Variants in SLC22A25 observed in about 807,000 individuals in gnomAD.
The protein encoded by SLC22A25 is solute carrier family 22 member 25.
Under a neutral mutation model 45.9 loss-of-function variants are expected in SLC22A25, and 44 were observed. The ratio of observed to expected loss-of-function variants is 0.96; its 90% confidence interval spans 0.75 to 1.23. The LOEUF (loss-of-function observed/expected upper bound fraction) is 1.23, where lower values mean the gene tolerates loss of function less well. SLC22A25 is among the 50% of genes most tolerant of loss of function. The probability of loss-of-function intolerance (pLI) is 0.00; values close to 1 mark genes in which losing one functional copy is unlikely to be tolerated. For synonymous variants in SLC22A25, 283 were observed against 238.6 expected, an observed-to-expected ratio of 1.19 and a Z score of -1.72; for missense variants, 800 against 666.4, an observed-to-expected ratio of 1.20 and a Z score of -2.21.
At position 63,163,770 on chromosome 11, in the gene SLC22A25, G is replaced by T; in HGVS notation, c.*54C>A. ...CTACATGGGAATAGCCCAGATCTAA[G>T]CCTTTTTGGGGGATGGTAGCCCTAA... On this transcript the variant is annotated 3_prime_UTR_variant, in exon 12 of 12. Coordinates refer to ENST00000306494, the MANE Select transcript of SLC22A25 (RefSeq NM_199352.6). 6.4e-7 allele frequency: 1 copy of T among 1,558,674 alleles called. No individual in the cohort carries two copies. Among genetic ancestry groups the T allele is most frequent in the Non-Finnish European group, 8.7e-7 (1 of 1,155,318 alleles).
At position 63,180,706 on chromosome 11, in the gene SLC22A25, G is replaced by A. The variant is rs144387617; in HGVS notation, c.1024C>T (p.Arg342Cys). The A allele has an allele frequency of 2.4e-4, 381 of 1,613,118 alleles. 1 individual carries two copies. In the African/African-American group the frequency reaches 3.2e-3, roughly 14 times the overall value. Reference protein sequence around the residue: ...QKKHSLCELLRIPNICKRICF... With the variant: ...QKKHSLCELLCIPNICKRICF... ...ATTCTTTTACATATGTTGGGTATGC[G>A]GAGCAATTCACAAAGAGAATGCTTT... The change falls in exon 9 of 12, where the codon CGC (arginine) becomes TGC (cysteine). Residue 342 changes from arginine to cysteine, a missense_variant. Coordinates refer to ENST00000306494, the MANE Select transcript of SLC22A25 (RefSeq NM_199352.6).
At chr11:63,199,906 G>A (rs571356325) in intron 7 of SLC22A25, among the ~76,000 whole-genome samples, 20 of 151,988 alleles carry the variant, frequency 1.3e-4, no homozygotes, top group Non-Finnish European at 2.4e-4. Flanking sequence ...GGATGTGCCT[G>A]CGTGCCAGAC....
chr11:63,195,236 G>C (rs1292922719), intron 7 of SLC22A25, among the ~76,000 whole-genome samples: 1 of 152,122 alleles, frequency 6.6e-6, no homozygotes, highest in African/African-American at 2.4e-5. Context: ...ACTAAACTCA[G>C]CTCTGCACCA....
Position 63,231,372 on chromosome 11 carries a change from G to A in SLC22A25, c.-444-1276C>T, listed in dbSNP as rs571613229. Among the ~76,000 whole-genome samples the A allele has an allele frequency of 2.4e-3, 360 of 152,280 alleles. 1 individual carries two copies. The highest frequency in any genetic ancestry group is 8.1e-3 in the African/African-American group (337 of 41,548). The stretch of plus-strand genomic sequence containing the variant: ...CTGGTGTGAGATGGTATCTCATTGT[G>A]GGTTTGATTTGCATTTCTCTGATGG... On this transcript the variant is annotated intron_variant, in intron 3 of 11. Coordinates refer to ENST00000306494, the MANE Select transcript of SLC22A25 (RefSeq NM_199352.6).
intron 3 of SLC22A25, among the ~76,000 whole-genome samples, chr11:63,232,340 G>T (rs1565127040): frequency 6.6e-6 from 1 of 152,014 alleles, no homozygotes; most frequent in Non-Finnish European, 1.5e-5. Context: ...CCTTGAAGAG[G>T]TCCTTCACAT....
At chr11:63,228,062 T>G (rs2089997087) in intron 5 of SLC22A25, among the ~76,000 whole-genome samples, 1 of 152,230 alleles carries the variant, frequency 6.6e-6, no homozygotes, top group African/African-American at 2.4e-5. Flanking sequence ...TTCAATGAAG[T>G]TAAAATCAGG....
chr11:63,192,307 C>T (rs1486896923), intron 7 of SLC22A25, among the ~76,000 whole-genome samples: 2 of 152,090 alleles, frequency 1.3e-5, no homozygotes, highest in Non-Finnish European at 2.9e-5. Context: ...TCATTACCAC[C>T]AGACCTGTCT....
At chr11:63,190,349 C>G (rs2088757549) in intron 7 of SLC22A25, among the ~76,000 whole-genome samples, 1 of 152,142 alleles carries the variant, frequency 6.6e-6, no homozygotes, top group African/African-American at 2.4e-5. Flanking sequence ...GCTACTGAGG[C>G]TTGTGCATTC....
In SLC22A25 at chr11:63,164,704, G is replaced by A. The variant is rs1489764872; in HGVS notation, c.1286-70C>T. Reference sequence around the variant, plus strand: ...GGAATCAGCATCTCCCAAGGTAGAAGTGAAAAGGACTGCTTTGGAGGTGTT... The same window carrying A: ...GGAATCAGCATCTCCCAAGGTAGAAATGAAAAGGACTGCTTTGGAGGTGTT... On this transcript the variant is annotated intron_variant, in intron 10 of 11. Transcript: ENST00000306494. 17 of 1,279,084 alleles carry A rather than the reference G, an allele frequency of 1.3e-5. No individual in the cohort carries two copies. The East Asian group carries it at 3.3e-4, about 25-fold the overall frequency. 79.2% of individuals were successfully genotyped at this position (1,279,084 alleles called of 1,614,324 possible).
At chr11:63,238,252 T>C (rs1399544127) in intron 2 of SLC22A25, among the ~76,000 whole-genome samples, 1 of 152,204 alleles carries the variant, frequency 6.6e-6, no homozygotes, top group Non-Finnish European at 1.5e-5. Flanking sequence ...TTTTGCTCCA[T>C]ACTAAGTGTG....
chr11:63,183,936 C>T, intron 7 of SLC22A25, 119 bp from the exon 8 acceptor site: 2 of 1,405,000 alleles, frequency 1.4e-6, no homozygotes, highest in African/African-American at 1.4e-5. Context: ...TTGGTTATAC[C>T]AGGAAATAAA....
chr11:63,164,506 G>A lies in SLC22A25; in HGVS notation c.1394+20C>T, dbSNP rs1178875262. ...ACAGGTCCATTTTGAGAATGACAGA[G>A]CACACATAAACTTTTGTACCTGATT... On this transcript the variant is annotated intron_variant, in intron 11 of 11. Coordinates refer to ENST00000306494, the MANE Select transcript of SLC22A25 (RefSeq NM_199352.6). 7 of 1,588,452 alleles carry A rather than the reference G, an allele frequency of 4.4e-6. No homozygotes were observed. The South Asian group carries it at 4.4e-5, about 10-fold the overall frequency.
chr11:63,166,920 G>T (rs867198916), intron 9 of SLC22A25: 15 of 933,400 alleles, frequency 1.6e-5, no homozygotes, highest in Admixed American at 6.2e-5. Context: ...CTGGTCTGCA[G>T]CTCCCAGCGA....
At chr11:63,202,847 G>C (rs555546665) in intron 7 of SLC22A25, among the ~76,000 whole-genome samples, 2 of 152,328 alleles carry the variant, frequency 1.3e-5, no homozygotes, top group South Asian at 2.1e-4. Flanking sequence ...CCTGACCCCG[G>C]TGCCTTCTGA....
Position 63,190,925 on chromosome 11 carries a change from TA to T in SLC22A25, c.831-7109del, listed in dbSNP as rs1309205805. 1.5e-4 allele frequency among the ~76,000 whole-genome samples: 23 copies of T among 152,172 alleles called. No homozygotes were observed. In the South Asian group the frequency reaches 4.6e-3, roughly 30 times the overall value. The stretch of plus-strand genomic sequence containing the variant: ...CTCTGGAAGTTTTGTCTCAGAGGAG[TA>T]CCCAGCCGTGTGAGGTGTCAGTCTG... On this transcript the variant is annotated intron_variant, in intron 7 of 11. Transcript: ENST00000306494.
At chr11:63,175,825 G>GTATATATATATATA (rs5792280) in intron 9 of SLC22A25, among the ~76,000 whole-genome samples, 60 of 150,324 alleles carry the variant, frequency 4.0e-4, no homozygotes, top group African/African-American at 1.4e-3. Flanking sequence ...AATTGGGTGT[G>GTATATATATATATA]TATATATATA....
rs2087680137 is a variant in SLC22A25 at position 63,166,258 on chromosome 11, T to A, written c.1071A>T (p.Arg357Ser). ...CCCAAAAAGGGATGGTACTTGCAAA[T>A]CTGCAGGGAACACAGAAAAAGGCAC... ...CKRICFLSFVRFASTIPFWGL... is the reference protein window; with the variant it reads ...CKRICFLSFVSFASTIPFWGL... The change falls in exon 10 of 12, where the codon AGA becomes AGT. Residue 357 changes from arginine (R) to serine (S), a missense_variant and splice_region_variant. Transcript: ENST00000306494. The A allele has an allele frequency of 1.2e-6, 2 of 1,613,644 alleles. No homozygotes were observed. The highest frequency in any genetic ancestry group is 1.7e-6 in the Non-Finnish European group (2 of 1,179,868).
intron 7 of SLC22A25, chr11:63,208,338 A>G: frequency 6.6e-6 from 1 of 152,428 alleles, no homozygotes; most frequent in Non-Finnish European, 1.5e-5. Flanking sequence ...GACAAAGGGG[A>G]GCTTCATCAC....
Position 63,164,618 on chromosome 11 carries a change from A to C in SLC22A25, c.1302T>G (p.Arg434=), listed in dbSNP as rs774897803. ...CCACACCCAGGGTTGCCAAAACCACACGCAGGGTCTGCATTTCTGGAGAAA... is the reference window on the plus strand; with the variant it reads ...CCACACCCAGGGTTGCCAAAACCACCCGCAGGGTCTGCATTTCTGGAGAAA... The part of the protein sequence containing the change: ...IFVPQEMQTL[R]VVLATLGVGA... Residue 434 remains arginine (R), a synonymous_variant, in exon 11 of 12, where the codon CGT becomes CGG. Coordinates refer to ENST00000306494, the MANE Select transcript of SLC22A25 (RefSeq NM_199352.6). 3 of 1,613,674 alleles carry C rather than the reference A, an allele frequency of 1.9e-6. No individual in the cohort carries two copies. The East Asian group carries it at 6.7e-5, about 36-fold the overall frequency.
Sources: gnomAD v4.1 joint callset for allele counts (sites outside exome capture counted in the v4.1 genomes callset) on GRCh38, gnomAD v4.1.1 for gene constraint, MANE v1.5 for transcripts, NCBI Gene and HGNC (gene_info 2026-07-23, HGNC 2026-07-21) for gene names.